HDX: variants seen among roughly 807,000 people sequenced by gnomAD.
HDX encodes the protein chromosome X open reading frame 43.
A neutral mutation model predicts 45.2 loss-of-function variants in HDX; 19 were observed. The ratio of observed to expected loss-of-function variants is 0.42; its 90% confidence interval spans 0.29 to 0.62. HDX has a LOEUF of 0.62. Ranked by LOEUF, HDX falls within the 20% of genes least tolerant of loss-of-function variation. HDX has a pLI of 0.20. For synonymous variants in HDX, 188 were observed against 172.8 expected (o/e 1.09, Z -0.69); for missense variants, 532 against 493.9 (o/e 1.08, Z -0.73).
chrX:84,458,291 A>T (rs2040159400), intron 4 of HDX, among the ~76,000 whole-genome samples: 1 of 111,277 alleles, frequency 9.0e-6, no homozygotes, highest in African/African-American at 3.3e-5. Flanking sequence ...ATCAAAAAAA[A>T]AATCCACAAA....
At chrX:84,407,303 C>T (rs899927536) in intron 5 of HDX, among the ~76,000 whole-genome samples, 4 of 111,480 alleles carry the variant, frequency 3.6e-5, no homozygotes, top group Non-Finnish European at 5.7e-5. Context: ...TAACTGAGAA[C>T]ATGCAGTATT....
At chrX:84,341,711 A>G (rs183693692) in intron 7 of HDX, among the ~76,000 whole-genome samples, 1,709 of 103,848 alleles carry the variant, frequency 0.016, 38 homozygotes, top group African/African-American at 0.058. Context: ...AAATCTCCTT[A>G]TTTGTTTTTT....
chrX:84,458,819 C>A (rs1161429554), intron 4 of HDX, among the ~76,000 whole-genome samples: 3 of 111,158 alleles, frequency 2.7e-5, no homozygotes, highest in Non-Finnish European at 5.7e-5. Flanking sequence ...GCAAAATATA[C>A]TATGAAAGGT....
At chrX:84,426,464 G>A (rs773729526) in intron 5 of HDX, among the ~76,000 whole-genome samples, 5 of 110,752 alleles carry the variant, frequency 4.5e-5, no homozygotes, top group South Asian at 3.8e-4. Flanking sequence ...ATATTTTTCC[G>A]CCTTTAAAAA....
At chrX:84,385,478 G>A (rs2038296876) in intron 5 of HDX, among the ~76,000 whole-genome samples, 1 of 110,174 alleles carries the variant, frequency 9.1e-6, no homozygotes, top group Non-Finnish European at 1.9e-5. Flanking sequence ...CTCCCAAAGT[G>A]CTGGGACTAC....
At chrX:84,495,024 A>AC (rs2040970782) in intron 1 of HDX, among the ~76,000 whole-genome samples, 1 of 111,410 alleles carries the variant, frequency 9.0e-6, no homozygotes, top group Non-Finnish European at 1.9e-5. Flanking sequence ...ACAAAGAAAA[A>AC]ATAATCTTGT....
chrX:84,413,515 G>A (rs1024633282), intron 5 of HDX, among the ~76,000 whole-genome samples: 7 of 111,496 alleles, frequency 6.3e-5, no homozygotes, highest in Admixed American at 9.6e-5. Flanking sequence ...GGAATCTGCC[G>A]TGTAGGAGCC....
intron 2 of HDX, among the ~76,000 whole-genome samples, chrX:84,481,960 G>A (rs753356799): frequency 9.0e-6 from 1 of 111,564 alleles, no homozygotes; most frequent in South Asian, 3.8e-4. Context: ...AAATGAAAAC[G>A]TGTGTTATTT....
At chrX:84,336,903 T>A in intron 7 of HDX, 23 bp from the exon 8 acceptor site, 1 of 1,027,318 alleles carries the variant, frequency 9.7e-7, no homozygotes, top group Non-Finnish European at 1.3e-6. Flanking sequence ...ATGCCATAAT[T>A]TCATTTTCAT....
intron 4 of HDX, among the ~76,000 whole-genome samples, chrX:84,465,059 A>G (rs1257174656): frequency 8.9e-6 from 1 of 112,562 alleles, no homozygotes; most frequent in Non-Finnish European, 1.9e-5. Flanking sequence ...CAGCCAACAA[A>G]CATATGAAAA....
chrX:84,488,262 A>G (rs2040832127), intron 1 of HDX, 130 bp from the exon 2 acceptor site: 2 of 109,820 alleles, frequency 1.8e-5, no homozygotes, highest in Admixed American at 2.0e-4. Flanking sequence ...TCAAAGCTAT[A>G]TTTATTTAAC....
At chrX:84,359,721 C>T (rs1378917892) in intron 6 of HDX, among the ~76,000 whole-genome samples, 1 of 111,347 alleles carries the variant, frequency 9.0e-6, no homozygotes, top group East Asian at 2.8e-4. Context: ...AATGGGATTG[C>T]TGGGTCAAAC....
chrX:84,458,876 T>G (rs2040171244), intron 4 of HDX, among the ~76,000 whole-genome samples: 1 of 111,729 alleles, frequency 9.0e-6, no homozygotes, highest in African/African-American at 3.3e-5. Flanking sequence ...TTTACTGCAA[T>G]GAATAAGTGC....
intron 5 of HDX, among the ~76,000 whole-genome samples, chrX:84,372,140 A>G (rs756540546): frequency 8.9e-6 from 1 of 112,041 alleles, no homozygotes; most frequent in Admixed American, 9.5e-5. Flanking sequence ...TGGGAGTCAA[A>G]GAATTATAGA....
chrX:84,463,676 T>C (rs2040286246), intron 4 of HDX, among the ~76,000 whole-genome samples: 1 of 111,004 alleles, frequency 9.0e-6, no homozygotes, highest in Non-Finnish European at 1.9e-5. Flanking sequence ...TAATAAATTT[T>C]AATCACAACA....
intron 5 of HDX, among the ~76,000 whole-genome samples, chrX:84,370,975 A>G (rs1338168114): frequency 3.6e-5 from 4 of 112,545 alleles, no homozygotes; most frequent in African/African-American, 1.3e-4. Flanking sequence ...AACTTGTCAA[A>G]AACAAAACAA....
chrX:84,429,183 T>C (rs977738835), intron 5 of HDX, among the ~76,000 whole-genome samples: 2 of 110,654 alleles, frequency 1.8e-5, no homozygotes, highest in African/African-American at 6.5e-5. Context: ...TTAATTACCA[T>C]ATAAGTTTTA....
At chrX:84,340,244 A>C (rs1470690229) in intron 7 of HDX, among the ~76,000 whole-genome samples, 2 of 111,143 alleles carry the variant, frequency 1.8e-5, no homozygotes, top group East Asian at 2.8e-4. Flanking sequence ...CTCTTACTAA[A>C]GCTGCCTTTT....
intron 1 of HDX, among the ~76,000 whole-genome samples, chrX:84,491,488 A>G (rs1030427925): frequency 2.7e-5 from 3 of 111,792 alleles, no homozygotes; most frequent in African/African-American, 9.7e-5. Flanking sequence ...ATTCTTCTCT[A>G]CTAATTTCAC....
Sources: gnomAD v4.1 joint callset for allele counts (sites outside exome capture counted in the v4.1 genomes callset) on GRCh38, gnomAD v4.1.1 for gene constraint, MANE v1.5 for transcripts, NCBI Gene and HGNC (gene_info 2026-07-23, HGNC 2026-07-21) for gene names.